The following INSR variants were observed in gnomAD, a reference collection of about 807,000 sequenced individuals.
The protein encoded by INSR is IR.
In INSR, 67 loss-of-function variants were observed where a neutral mutation model predicts 142.6. The observed-to-expected ratio is 0.47, with a 90% CI of 0.39 to 0.58. The LOEUF (loss-of-function observed/expected upper bound fraction) is 0.58, where lower values mean the gene tolerates loss of function less well. INSR is among the 20% of genes least tolerant of loss of function. The pLI is 0.00. For missense variants in INSR, 1,248 were observed against 1,833.2 expected, an observed-to-expected ratio of 0.68 and a Z score of 5.83; for synonymous variants, 756 against 743.1, an observed-to-expected ratio of 1.02 and a Z score of -0.28.
Position 7,200,952 on chromosome 19 carries a change from C to T in INSR, c.653-16315G>A, listed in dbSNP as rs1354717092. ...TGCCGAGTCACAGCTCTAACCACTC[C>T]GGCTTGCTCCAGAAAGCTACTCATG... On this transcript the variant is annotated intron_variant, in intron 2 of 21. Transcript: ENST00000302850. 1.3e-5 allele frequency among the ~76,000 whole-genome samples: 2 copies of T among 151,838 alleles called. 1 individual carries two copies. Among genetic ancestry groups the T allele is most frequent in the Non-Finnish European group, 2.9e-5 (2 of 68,010 alleles).
At chr19:7,266,632 G>A (rs889084986) in intron 2 of INSR, among the ~76,000 whole-genome samples, 27 of 152,192 alleles carry the variant, frequency 1.8e-4, no homozygotes, top group South Asian at 4.1e-4. Flanking sequence ...TGGTCCACCC[G>A]CCTCAGCCTC....
Position 7,162,326 on chromosome 19 carries a change from C to CAAA in INSR, c.2029+703_2029+705dup, listed in dbSNP as rs34182944. 1.4e-4 allele frequency among the ~76,000 whole-genome samples: 9 copies of CAAA among 63,090 alleles called. 1 individual carries two copies. Among genetic ancestry groups the CAAA allele is most frequent in the East Asian group, 4.5e-4 (1 of 2,242 alleles). 41.4% of individuals were successfully genotyped at this position (63,090 alleles called of 152,430 possible). Reference sequence around the variant, plus strand: ...TGGGTGACAGAGTGAGACCCTGTCTCAAAAAAAAAAAAAAAAAAAAAAATT... The same window carrying CAAA: ...TGGGTGACAGAGTGAGACCCTGTCTCAAAAAAAAAAAAAAAAAAAAAAAAAATT... On this transcript the variant is annotated intron_variant, in intron 9 of 21. Transcript: ENST00000302850.
intron 3 of INSR, among the ~76,000 whole-genome samples, chr19:7,179,278 C>G (rs1974215938): frequency 6.6e-6 from 1 of 152,162 alleles, no homozygotes; most frequent in Non-Finnish European, 1.5e-5. Context: ...GTGGGAATCC[C>G]CCAATTTAGA....
At chr19:7,293,367 T>A (rs1008492530) in intron 1 of INSR, among the ~76,000 whole-genome samples, 3 of 152,142 alleles carry the variant, frequency 2.0e-5, no homozygotes, top group Non-Finnish European at 4.4e-5. Context: ...CGCTTGGCTC[T>A]ACCTACACCA....
chr19:7,179,600 G>A (rs1018948258), intron 3 of INSR, among the ~76,000 whole-genome samples: 5 of 152,212 alleles, frequency 3.3e-5, no homozygotes, highest in African/African-American at 9.6e-5. Flanking sequence ...ACCTGTTTTT[G>A]CAAATAATAT....
At chr19:7,223,980 C>G (rs1003192379) in intron 2 of INSR, among the ~76,000 whole-genome samples, 1 of 151,762 alleles carries the variant, frequency 6.6e-6, no homozygotes, top group Non-Finnish European at 1.5e-5. Flanking sequence ...CAGTCTCGCT[C>G]TGCCACCCAG....
chr19:7,194,980 G>A (rs1054765549), intron 2 of INSR, among the ~76,000 whole-genome samples: 35 of 151,914 alleles, frequency 2.3e-4, no homozygotes, highest in African/African-American at 8.5e-4. Context: ...CCCATCCCCT[G>A]TCCTCGAGAC....
Position 7,221,195 on chromosome 19 carries a change from G to A in INSR, c.653-36558C>T, listed in dbSNP as rs568702607. Among the ~76,000 whole-genome samples the A allele has an allele frequency of 1.2e-3, 182 of 151,770 alleles. 2 individuals are homozygous for A. Among genetic ancestry groups the A allele is most frequent in the Middle Eastern group, 6.8e-3 (2 of 294 alleles). ...TTGAGACTAACCTGGCCAACGTGGCGAGACCCCGTTTCTACCAAAAACACA... is the reference window on the plus strand; with the variant it reads ...TTGAGACTAACCTGGCCAACGTGGCAAGACCCCGTTTCTACCAAAAACACA... On this transcript the variant is annotated intron_variant, in intron 2 of 21. Transcript: ENST00000302850.
intron 2 of INSR, among the ~76,000 whole-genome samples, chr19:7,220,386 G>A (rs1029592151): frequency 5.9e-5 from 9 of 152,180 alleles, no homozygotes; most frequent in African/African-American, 1.9e-4. Flanking sequence ...CGCCTCCCGG[G>A]TTCAAACGAG....
At chr19:7,163,925 T>TAAAAAAAAAAAAAAAAAAAA (rs748862314) in intron 8 of INSR, among the ~76,000 whole-genome samples, 4 of 44,598 alleles carry the variant, frequency 9.0e-5, no homozygotes, top group African/African-American at 2.3e-4. Context: ...CTATCTCTAC[T>TAAAAAAAAAAAAAAAAAAAA]AAAAAAAAAA....
Position 7,144,740 on chromosome 19 carries a change from G to C in INSR, c.2268-1650C>G, listed in dbSNP as rs1046218672. 2.8e-5 allele frequency among the ~76,000 whole-genome samples: 4 copies of C among 145,336 alleles called. No individual in the cohort carries two copies. The Admixed American group carries it at 2.8e-4, about 10-fold the overall frequency. Reference sequence around the variant, plus strand: ...TTTTTGCTGTTATAAATATTCCTTTGATCATTGTCTGATTGTCTTATTACT... The same window carrying C: ...TTTTTGCTGTTATAAATATTCCTTTCATCATTGTCTGATTGTCTTATTACT... On this transcript the variant is annotated intron_variant, in intron 11 of 21. Coordinates refer to ENST00000302850, the MANE Select transcript of INSR (RefSeq NM_000208.4).
chr19:7,211,711 C>G (rs1038201862), intron 2 of INSR, among the ~76,000 whole-genome samples: 1 of 152,208 alleles, frequency 6.6e-6, no homozygotes, highest in African/African-American at 2.4e-5. Flanking sequence ...GCTGCAGGGT[C>G]AGGGCCGGCA....
chr19:7,148,239 C>A (rs1396241039), intron 11 of INSR, among the ~76,000 whole-genome samples: 2 of 151,784 alleles, frequency 1.3e-5, no homozygotes, highest in Non-Finnish European at 2.9e-5. Context: ...ATTTTATTAT[C>A]CAGCAATCCC....
At chr19:7,127,187 C>T (rs1236220287) in intron 15 of INSR, among the ~76,000 whole-genome samples, 2 of 152,148 alleles carry the variant, frequency 1.3e-5, no homozygotes, top group Non-Finnish European at 2.9e-5. Flanking sequence ...TATGCACGAC[C>T]ATGCAGGGCT....
intron 1 of INSR, 140 bp downstream of exon 1, chr19:7,293,652 T>C (rs1368525548): frequency 1.5e-6 from 1 of 649,586 alleles, no homozygotes; most frequent in Non-Finnish European, 2.1e-6. Flanking sequence ...CCCTACGCGA[T>C]GCAGGAGCTA....
At chr19:7,152,958 AGTCTCTG>A in intron 9 of INSR, 31 bp from the exon 10 acceptor site, 1 of 1,556,420 alleles carries the variant, frequency 6.4e-7, no homozygotes, top group Non-Finnish European at 8.8e-7. Flanking sequence ...GGGGGGCTCA[AGTCTCTG>A]CGGCTGAACA....
rs568258210 is a variant in INSR, at chr19:7,279,140, GAAATA to G, written c.101-11249_101-11245del. On this transcript the variant is annotated intron_variant, in intron 1 of 21. Transcript: ENST00000302850. Reference sequence around the variant, plus strand: ...GACACTCCATCTCAAAAAAAGAAAAGAAATAAAATAAAATAAAATAAAATAAATAT... The same window carrying G: ...GACACTCCATCTCAAAAAAAGAAAAGAAATAAAATAAAATAAAATAAATAT... Among the ~76,000 whole-genome samples, 18 of 151,230 alleles carry G rather than the reference GAAATA, an allele frequency of 1.2e-4. No individual in the cohort carries two copies. In the East Asian group the frequency reaches 1.8e-3, roughly 15 times the overall value.
chr19:7,191,118 G>A (rs1040578973), intron 2 of INSR, among the ~76,000 whole-genome samples: 3 of 152,042 alleles, frequency 2.0e-5, no homozygotes, highest in Non-Finnish European at 4.4e-5. Context: ...CCGACATGGT[G>A]AAACCCCATC....
chr19:7,244,104 A>C (rs1387501949), intron 2 of INSR, among the ~76,000 whole-genome samples: 1 of 152,238 alleles, frequency 6.6e-6, no homozygotes, highest in African/African-American at 2.4e-5. Context: ...ATTTCACTAA[A>C]GTATCTGGAT....
Sources: gnomAD v4.1 joint callset for allele counts (sites outside exome capture counted in the v4.1 genomes callset) on GRCh38, gnomAD v4.1.1 for gene constraint, MANE v1.5 for transcripts, NCBI Gene and HGNC (gene_info 2026-07-23, HGNC 2026-07-21) for gene names.